The following CNTNAP2 variants were observed in gnomAD, a reference collection of about 807,000 sequenced individuals.
CNTNAP2 encodes contactin-associated protein-like 2.
In CNTNAP2, 98 loss-of-function variants were observed where a neutral mutation model predicts 155.2. That is an observed-to-expected ratio of 0.63 (90% CI 0.54 to 0.75). The LOEUF is 0.75. Ranked by LOEUF, CNTNAP2 falls within the 30% of genes least tolerant of loss-of-function variation. CNTNAP2 has a pLI of 0.00. For missense variants in CNTNAP2, 1,727 were observed against 1,688.1 expected, an observed-to-expected ratio of 1.02 and a Z score of -0.40; for synonymous variants, 651 against 631.2, an observed-to-expected ratio of 1.03 and a Z score of -0.47.
rs148390959 is a variant in CNTNAP2, at chr7:147,534,752, A to T, written c.1778-27386A>T. On this transcript the variant is annotated intron_variant, in intron 11 of 23. Coordinates refer to ENST00000361727, the MANE Select transcript of CNTNAP2 (RefSeq NM_014141.6). ...AGTGATAATTTCCTTTGATTCTCAC[A>T]ATCAAGATGAAGCAGGATTGTGATA... Among the ~76,000 whole-genome samples the T allele has an allele frequency of 3.9e-5, 6 of 152,366 alleles. No individual in the cohort carries two copies. The East Asian group carries it at 1.2e-3, about 29-fold the overall frequency.
At chr7:147,023,247 G>A (rs1406141093) in intron 3 of CNTNAP2, among the ~76,000 whole-genome samples, 1 of 152,098 alleles carries the variant, frequency 6.6e-6, no homozygotes, top group Non-Finnish European at 1.5e-5. Context: ...CTCCCTACAT[G>A]TGCTAACATT....
At chr7:147,504,702 CAAAA>C (rs1554399298) in intron 11 of CNTNAP2, among the ~76,000 whole-genome samples, 2 of 39,904 alleles carry the variant, frequency 5.0e-5, no homozygotes, top group African/African-American at 1.5e-4. Flanking sequence ...AAAAAAAAAA[CAAAA>C]AACCTCTGAG....
At chr7:147,304,679 GC>G (rs766100061) in intron 9 of CNTNAP2, among the ~76,000 whole-genome samples, 10 of 152,144 alleles carry the variant, frequency 6.6e-5, no homozygotes, top group Non-Finnish European at 1.2e-4. Flanking sequence ...AAGCAGTGGA[GC>G]TGGCCTGAGT....
intron 8 of CNTNAP2, among the ~76,000 whole-genome samples, chr7:147,282,707 ATAAT>A (rs1237593258): frequency 6.6e-5 from 10 of 152,026 alleles, no homozygotes; most frequent in Middle Eastern, 3.4e-3. Context: ...ATCATGGTTG[ATAAT>A]TAATCAAAGG....
intron 8 of CNTNAP2, among the ~76,000 whole-genome samples, chr7:147,294,380 C>CTA (rs1258303460): frequency 6.6e-6 from 1 of 151,896 alleles, no homozygotes; most frequent in African/African-American, 2.4e-5. Context: ...TGTCTTTGCC[C>CTA]TAACTTTGTG....
intron 14 of CNTNAP2, among the ~76,000 whole-genome samples, chr7:147,966,832 C>A (rs1801222501): frequency 6.6e-6 from 1 of 152,050 alleles, no homozygotes; most frequent in African/African-American, 2.4e-5. Context: ...CACCCAGGGG[C>A]CATCAAGGCA....
At chr7:148,138,130 T>G (rs1804996545) in intron 16 of CNTNAP2, among the ~76,000 whole-genome samples, 1 of 152,208 alleles carries the variant, frequency 6.6e-6, no homozygotes, top group South Asian at 2.1e-4. Flanking sequence ...GCTGCTTTCC[T>G]TCTGATAGAC....
chr7:147,918,297 A>G (rs1800196302), intron 14 of CNTNAP2, among the ~76,000 whole-genome samples: 1 of 152,164 alleles, frequency 6.6e-6, no homozygotes, highest in African/African-American at 2.4e-5. Flanking sequence ...CACTTTAGAG[A>G]ATCCGGTTTT....
At chr7:146,915,156 T>C (rs187409719) in intron 3 of CNTNAP2, among the ~76,000 whole-genome samples, 37 of 152,012 alleles carry the variant, frequency 2.4e-4, no homozygotes, top group Non-Finnish European at 1.5e-5. Flanking sequence ...ATGGGTTCTC[T>C]ATTCTGTGGT....
At chr7:147,548,409 G>T (rs774918624) in intron 11 of CNTNAP2, among the ~76,000 whole-genome samples, 8 of 152,098 alleles carry the variant, frequency 5.3e-5, no homozygotes, top group Non-Finnish European at 1.2e-4. Context: ...GTCTTCTTTT[G>T]AAAAGTGTCT....
intron 5 of CNTNAP2, among the ~76,000 whole-genome samples, chr7:147,116,626 GC>G (rs1367788764): frequency 2.0e-5 from 3 of 152,012 alleles, no homozygotes; most frequent in African/African-American, 7.2e-5. Flanking sequence ...AACTGCCTCT[GC>G]CCCCATCAGC....
At chr7:148,145,626 C>G (rs961444326) in intron 16 of CNTNAP2, among the ~76,000 whole-genome samples, 1 of 152,204 alleles carries the variant, frequency 6.6e-6, no homozygotes, top group Admixed American at 6.5e-5. Flanking sequence ...TTAAAAAATG[C>G]TCCTGCTAAA....
chr7:146,886,963 A>G (rs1795677590), intron 3 of CNTNAP2, among the ~76,000 whole-genome samples: 1 of 151,782 alleles, frequency 6.6e-6, no homozygotes, highest in African/African-American at 2.4e-5. Context: ...AGTGGATCAT[A>G]GGAAATAGAC....
intron 1 of CNTNAP2, among the ~76,000 whole-genome samples, chr7:146,517,856 C>T (rs1452546385): frequency 6.6e-6 from 1 of 151,810 alleles, no homozygotes; most frequent in African/African-American, 2.4e-5. Flanking sequence ...GATTTTGATA[C>T]TATTTAGCAG....
intron 1 of CNTNAP2, among the ~76,000 whole-genome samples, chr7:146,702,592 AT>A (rs957000629): frequency 1.3e-5 from 2 of 152,056 alleles, no homozygotes; most frequent in Non-Finnish European, 2.9e-5. Context: ...ATATAACCTG[AT>A]TTTTTAAATT....
chr7:147,363,298 C>T (rs572744692), intron 9 of CNTNAP2, among the ~76,000 whole-genome samples: 1 of 152,270 alleles, frequency 6.6e-6, no homozygotes, highest in Admixed American at 6.5e-5. Flanking sequence ...ACTGGATCTG[C>T]CACTGCCTTG....
Position 147,770,596 on chromosome 7 carries a change from A to AT in CNTNAP2, c.2098+131297dup, listed in dbSNP as rs529960473. Among the ~76,000 whole-genome samples, 499 of 152,300 alleles carry AT rather than the reference A, an allele frequency of 3.3e-3. 6 individuals carry two copies. The highest frequency in any genetic ancestry group is 0.011 in the African/African-American group (470 of 41,574). ...ATAAAAGTAACAAAAAGAAAATGAG[A>AT]TTTTTTTAAAATATCTTCACAATGA... On this transcript the variant is annotated intron_variant, in intron 13 of 23. Transcript: ENST00000361727.
chr7:146,280,475 G>A (rs751627970), intron 1 of CNTNAP2, among the ~76,000 whole-genome samples: 8 of 151,754 alleles, frequency 5.3e-5, no homozygotes, highest in Non-Finnish European at 8.8e-5. Flanking sequence ...TGATATTAAG[G>A]CCAGGTGAAT....
chr7:147,428,588 C>T (rs898228036), intron 10 of CNTNAP2, among the ~76,000 whole-genome samples: 7 of 152,114 alleles, frequency 4.6e-5, no homozygotes, highest in Non-Finnish European at 7.4e-5. Context: ...GTTTGTTCTA[C>T]GGAAGTTACC....
Sources: gnomAD v4.1 joint callset for allele counts (sites outside exome capture counted in the v4.1 genomes callset) on GRCh38, gnomAD v4.1.1 for gene constraint, MANE v1.5 for transcripts, NCBI Gene and HGNC (gene_info 2026-07-23, HGNC 2026-07-21) for gene names.